CLCA4: variants seen among roughly 807,000 people sequenced by gnomAD.
The protein encoded by CLCA4 is calcium-activated chloride channel regulator 4.
CLCA4 carries 69 observed loss-of-function variants against 78.9 expected under a neutral mutation model. The ratio of observed to expected loss-of-function variants is 0.87; its 90% confidence interval spans 0.72 to 1.07. The LOEUF is 1.07. Among genes scored for constraint, CLCA4 ranks in the 50% least tolerant of loss-of-function variants. The pLI is 0.00. For synonymous variants in CLCA4, 362 were observed against 375.8 expected, an observed-to-expected ratio of 0.96 and a Z score of 0.42; for missense variants, 1,133 against 1,095.8, an observed-to-expected ratio of 1.03 and a Z score of -0.48.
Position 86,574,735 on chromosome 1 carries a change from A to T in CLCA4, c.1663A>T (p.Ser555Cys). 6.2e-7 allele frequency: 1 copy of T among 1,612,616 alleles called. No homozygotes were observed. The highest frequency in any genetic ancestry group is 8.5e-7 in the Non-Finnish European group (1 of 1,178,936). The stretch of plus-strand genomic sequence containing the variant: ...TGCAACTTCCAAAATGGCCTATCTC[A>T]GTATTCCAGGAACTGCAAAGGTAAG... ...VDATSKMAYL[S>C]IPGTAKVGTW... The change falls in exon 10 of 14, where the codon AGT becomes TGT. Residue 555 changes from serine to cysteine, a missense_variant. Physicochemically the swap from Ser to Cys is moderately radical, Grantham distance 112. Transcript: ENST00000370563.
At chr1:86,571,279 G>C in intron 8 of CLCA4, 25 bp downstream of exon 8, 1 of 1,592,638 alleles carries the variant, frequency 6.3e-7, no homozygotes, top group Admixed American at 1.7e-5. Context: ...ATTTATTCCA[G>C]GCCTTCAATA....
At chr1:86,547,352 C>A (rs1649534663) in intron 1 of CLCA4, 74 bp downstream of exon 1, 1 of 1,158,932 alleles carries the variant, frequency 8.6e-7, no homozygotes, top group Non-Finnish European at 1.2e-6. Flanking sequence ...TATAATTGTA[C>A]ATATTTATGG....
intron 5 of CLCA4, 120 bp from the exon 6 acceptor site, chr1:86,565,682 A>T: frequency 3.0e-6 from 2 of 657,294 alleles, no homozygotes; most frequent in Non-Finnish European, 4.9e-6. Flanking sequence ...ATGCTCAGTA[A>T]ATGATATTTC....
At chr1:86,577,797 A>C in intron 11 of CLCA4, 105 bp from the exon 12 acceptor site, 1 of 825,730 alleles carries the variant, frequency 1.2e-6, no homozygotes. Flanking sequence ...CAATCTAAAA[A>C]TATTAAGCCT....
intron 1 of CLCA4, among the ~76,000 whole-genome samples, chr1:86,555,890 T>C (rs1021969589): frequency 1.3e-5 from 2 of 152,232 alleles, no homozygotes; most frequent in Non-Finnish European, 2.9e-5. Flanking sequence ...AGCAGTGTTT[T>C]GTAATTCTCA....
In CLCA4 at chr1:86,580,137, G is replaced by A; in HGVS notation, c.2552G>A (p.Ser851Asn). 1.2e-6 allele frequency: 2 copies of A among 1,612,532 alleles called. No individual in the cohort carries two copies. The highest frequency in any genetic ancestry group is 1.7e-6 in the Non-Finnish European group (2 of 1,179,224). Residue 851 changes from serine to asparagine, a missense_variant, in exon 14 of 14, where the codon AGC becomes AAC. Coordinates refer to ENST00000370563, the MANE Select transcript of CLCA4 (RefSeq NM_012128.4). ...IFIAIKSIDK[S>N]NLTSKVSNIA... ...ATTGCCATTAAAAGTATAGATAAAA[G>A]CAATTTGACATCAAAAGTATCCAAC...
chr1:86,567,382 A>T, intron 6 of CLCA4, 42 bp from the exon 7 acceptor site: 2 of 1,477,974 alleles, frequency 1.4e-6, no homozygotes, highest in Non-Finnish European at 1.8e-6. Flanking sequence ...ATTATTTTCC[A>T]GTCAAAATCA....
At position 86,567,740 on chromosome 1, in the gene CLCA4, C is replaced by A. The variant is rs1240047891; in HGVS notation, c.1182+89C>A. ...TGGTACTGCACATGCTTGCTTGCTG[C>A]CTAATTTTAACATAACTAATCCTAA... On this transcript the variant is annotated intron_variant, in intron 7 of 13. Coordinates refer to ENST00000370563, the MANE Select transcript of CLCA4 (RefSeq NM_012128.4). 1.0e-5 allele frequency: 11 copies of A among 1,051,794 alleles called. 1 individual carries two copies. Among genetic ancestry groups the A allele is most frequent in the Non-Finnish European group, 1.5e-5 (11 of 722,722 alleles). 65.2% of individuals were successfully genotyped at this position (1,051,794 alleles called of 1,614,324 possible). A position where few individuals can be genotyped will look rare whatever the true frequency, so the allele number is the denominator to read the frequency against.
intron 11 of CLCA4, 49 bp from the exon 12 acceptor site, chr1:86,577,853 A>G (rs1650564631): frequency 6.4e-7 from 1 of 1,552,320 alleles, no homozygotes. Context: ...GTCTTAGAAA[A>G]TGCAAAATTT....
At chr1:86,579,829 G>T in intron 13 of CLCA4, 113 bp from the exon 14 acceptor site, 1 of 807,736 alleles carries the variant, frequency 1.2e-6, no homozygotes, top group Non-Finnish European at 1.9e-6. Flanking sequence ...TAAAAAATGA[G>T]TAAGGCTTTT....
intron 12 of CLCA4, among the ~76,000 whole-genome samples, chr1:86,578,338 G>A (rs958273092): frequency 6.6e-6 from 1 of 151,996 alleles, no homozygotes; most frequent in African/African-American, 2.4e-5. Context: ...GGGTACATGT[G>A]CAGGTTTGTT....
At chr1:86,570,679 G>A (rs528446647) in intron 7 of CLCA4, among the ~76,000 whole-genome samples, 25 of 152,116 alleles carry the variant, frequency 1.6e-4, no homozygotes, top group Non-Finnish European at 2.9e-4. Flanking sequence ...AAATGCAAGA[G>A]ACTTTATAAA....
chr1:86,574,748 C>T lies in CLCA4; in HGVS notation c.1676C>T (p.Thr559Ile). 6.2e-7 allele frequency: 1 copy of T among 1,610,718 alleles called. No individual in the cohort carries two copies. Among genetic ancestry groups the T allele is most frequent in the Non-Finnish European group, 8.5e-7 (1 of 1,177,340 alleles). ...ATGGCCTATCTCAGTATTCCAGGAACTGCAAAGGTAAGCAATCAGCTTTTA... is the reference window on the plus strand; with the variant it reads ...ATGGCCTATCTCAGTATTCCAGGAATTGCAAAGGTAAGCAATCAGCTTTTA... ...SKMAYLSIPGTAKVGTWAYNL... is the reference protein window; with the variant it reads ...SKMAYLSIPGIAKVGTWAYNL... Residue 559 changes from threonine (T) to isoleucine (I), a missense_variant, in exon 10 of 14, where the codon ACT (threonine) becomes ATT (isoleucine). By Grantham distance (89) the Thr-to-Ile change is moderately conservative. Coordinates refer to ENST00000370563, the MANE Select transcript of CLCA4 (RefSeq NM_012128.4).
In CLCA4 at chr1:86,565,360, C is replaced by A; in HGVS notation, c.644C>A (p.Thr215Lys). ...AGTAGAGCATGCAGAATTGATTCTA[C>A]AACAAAACTGTATGGAAAAGATTGT... ...CLSRACRIDS[T>K]TKLYGKDCQF... is the part of the protein sequence containing the mutation. Residue 215 changes from threonine to lysine, a missense_variant, in exon 5 of 14, where the codon ACA (threonine) becomes AAA (lysine). Coordinates refer to ENST00000370563, the MANE Select transcript of CLCA4 (RefSeq NM_012128.4). 6.2e-7 allele frequency: 1 copy of A among 1,608,658 alleles called. No individual in the cohort carries two copies. The highest frequency in any genetic ancestry group is 1.1e-5 in the South Asian group (1 of 90,756).
In CLCA4 at chr1:86,575,194, C is replaced by A. The variant is rs1650472136; in HGVS notation, c.1684-138C>A. On this transcript the variant is annotated intron_variant, in intron 10 of 13. Transcript: ENST00000370563. ...CATGCCCTGTCTGAACTGCCTCAGC[C>A]CTTACCCATTTATCCTCAACATCCT... is the stretch of plus-strand genomic sequence containing the variant. 1.1e-5 allele frequency: 8 copies of A among 720,830 alleles called. No individual in the cohort carries two copies. The South Asian group carries it at 1.5e-4, about 14-fold the overall frequency. 44.7% of individuals were successfully genotyped at this position (720,830 alleles called of 1,614,324 possible). A position where few individuals can be genotyped will look rare whatever the true frequency, so the allele number is the denominator to read the frequency against.
In CLCA4 at chr1:86,567,488, A is replaced by G; in HGVS notation, c.1019A>G (p.Asn340Ser). Residue 340 changes from asparagine to serine, a missense_variant, in exon 7 of 14, where the codon AAT becomes AGT. By Grantham distance (46) the Asn-to-Ser change is conservative. Coordinates refer to ENST00000370563, the MANE Select transcript of CLCA4 (RefSeq NM_012128.4). ...CATTTCCTGCTGCAGACTGTTGAAA[A>G]TGGATCCTGGGTGGGGATGGTTCAC... is the stretch of plus-strand genomic sequence containing the variant. ...AKHFLLQTVENGSWVGMVHFD... is the reference protein window; with the variant it reads ...AKHFLLQTVESGSWVGMVHFD... 1 of 1,613,366 alleles carries G rather than the reference A, an allele frequency of 6.2e-7. No individual in the cohort carries two copies.
intron 1 of CLCA4, among the ~76,000 whole-genome samples, chr1:86,548,089 T>G (rs1457507601): frequency 6.6e-6 from 1 of 152,200 alleles, no homozygotes; most frequent in Non-Finnish European, 1.5e-5. Context: ...GGTCTCTTTC[T>G]CCACATCCTT....
intron 6 of CLCA4, among the ~76,000 whole-genome samples, chr1:86,566,297 C>A (rs1650189085): frequency 1.3e-5 from 2 of 151,984 alleles, no homozygotes; most frequent in Non-Finnish European, 2.9e-5. Flanking sequence ...TACTGTTTCC[C>A]AACAATGTCC....
chr1:86,571,558 C>T (rs2101812743), intron 8 of CLCA4: 2 of 214,658 alleles, frequency 9.3e-6, no homozygotes, highest in East Asian at 9.5e-5. Context: ...AGGAAGCATG[C>T]AAAACTAGCT....
Sources: allele counts gnomAD v4.1 joint callset (sites outside exome capture counted in the v4.1 genomes callset), GRCh38; gene constraint gnomAD v4.1.1; transcripts MANE v1.5; gene names NCBI Gene and HGNC (gene_info 2026-07-23, HGNC 2026-07-21).